The following CTNNA2 variants were observed in gnomAD, a reference collection of about 807,000 sequenced individuals.
CTNNA2 encodes catenin alpha-2.
In CTNNA2, 42 loss-of-function variants were observed where a neutral mutation model predicts 101.0. The observed-to-expected ratio is 0.42, with a 90% confidence interval of 0.32 to 0.54. CTNNA2 has a LOEUF of 0.54. Among genes scored for constraint, CTNNA2 ranks in the 20% least tolerant of loss-of-function variants. The pLI is 0.14. For missense variants in CTNNA2, 871 were observed against 1,223.1 expected (o/e 0.71, Z 4.29); for synonymous variants, 450 against 456.4 (o/e 0.99, Z 0.18).
intron 4 of CTNNA2, among the ~76,000 whole-genome samples, chr2:79,861,750 A>C (rs908741737): frequency 1.4e-4 from 21 of 152,130 alleles, no homozygotes; most frequent in African/African-American, 4.8e-4. Flanking sequence ...ATTCAGGAGG[A>C]TAGAGATAGA....
intron 15 of CTNNA2, among the ~76,000 whole-genome samples, chr2:80,603,363 G>A (rs1697721240): frequency 6.6e-6 from 1 of 152,084 alleles, no homozygotes; most frequent in East Asian, 1.9e-4. Flanking sequence ...AAATATTAGG[G>A]TGATGGTTTG....
intron 2 of CTNNA2, among the ~76,000 whole-genome samples, chr2:79,244,360 T>C (rs1674672116): frequency 6.6e-6 from 1 of 152,248 alleles, no homozygotes; most frequent in Admixed American, 6.5e-5. Flanking sequence ...GATCCAACAC[T>C]GTGCTCTTCC....
intron 7 of CTNNA2, among the ~76,000 whole-genome samples, chr2:79,930,320 G>GAA (rs1553406929): frequency 6.3e-5 from 9 of 143,036 alleles, no homozygotes; most frequent in African/African-American, 2.4e-4. Flanking sequence ...AAGAAAGAAA[G>GAA]AAAGAAAGAA....
At chr2:80,433,940 C>A (rs1028092686) in intron 9 of CTNNA2, among the ~76,000 whole-genome samples, 11 of 152,202 alleles carry the variant, frequency 7.2e-5, no homozygotes, top group African/African-American at 2.7e-4. Context: ...GTAACAATTA[C>A]TTTTCTCAAG....
At chr2:79,680,504 T>C (rs989115875) in intron 2 of CTNNA2, among the ~76,000 whole-genome samples, 15 of 152,140 alleles carry the variant, frequency 9.9e-5, no homozygotes, top group African/African-American at 3.6e-4. Context: ...AGTGTATATG[T>C]AAAATGAAGG....
At chr2:80,109,534 C>T (rs1185007534) in intron 7 of CTNNA2, among the ~76,000 whole-genome samples, 3 of 152,136 alleles carry the variant, frequency 2.0e-5, no homozygotes, top group Non-Finnish European at 4.4e-5. Context: ...CATACAGAGC[C>T]TCTGGTCTCC....
chr2:80,016,913 G>A (rs1694189662), intron 7 of CTNNA2, among the ~76,000 whole-genome samples: 1 of 152,146 alleles, frequency 6.6e-6, no homozygotes, highest in African/African-American at 2.4e-5. Flanking sequence ...CCTTTCTAGT[G>A]CATAAATTAA....
intron 7 of CTNNA2, among the ~76,000 whole-genome samples, chr2:79,921,327 A>C (rs2916523): frequency 0.85 from 128,707 of 151,734 alleles, 54,736 homozygotes; most frequent in East Asian, 0.93. Flanking sequence ...GGGATAAATA[A>C]CTTTGTAAGA....
Position 80,043,872 on chromosome 2 carries a change from G to A in CTNNA2, c.1056+134075G>A, listed in dbSNP as rs78713922. 5.2e-3 allele frequency among the ~76,000 whole-genome samples: 791 copies of A among 152,262 alleles called. 12 individuals carry two copies. The highest frequency in any genetic ancestry group is 0.018 in the African/African-American group (740 of 41,540). On this transcript the variant is annotated intron_variant, in intron 7 of 18. Coordinates refer to ENST00000402739, the MANE Select transcript of CTNNA2 (RefSeq NM_001282597.3). Reference sequence around the variant, plus strand: ...TCAAAGCACTTTTATTAAGTGCTGGGAAGAATTTTATATACTAATTAGAAT... The same window carrying A: ...TCAAAGCACTTTTATTAAGTGCTGGAAAGAATTTTATATACTAATTAGAAT...
In CTNNA2 at chr2:80,269,798, C is replaced by G. The variant is rs1673316109; in HGVS notation, c.1057-123413C>G. ...AGTCTTCCCACTCATTTTCTTAGTA[C>G]TAATATATTACAATTAAAACATTTT... On this transcript the variant is annotated intron_variant, in intron 7 of 18. Transcript: ENST00000402739. 2.0e-5 allele frequency among the ~76,000 whole-genome samples: 3 copies of G among 152,030 alleles called. No homozygotes were observed. The South Asian group carries it at 6.2e-4, about 32-fold the overall frequency.
chr2:80,169,109 C>G (rs1704883082), intron 7 of CTNNA2, among the ~76,000 whole-genome samples: 1 of 152,222 alleles, frequency 6.6e-6, no homozygotes, highest in African/African-American at 2.4e-5. Flanking sequence ...GGCCTTAAAA[C>G]TGACTATCCA....
At chr2:80,572,306 G>A (rs937519174) in intron 12 of CTNNA2, among the ~76,000 whole-genome samples, 2 of 152,278 alleles carry the variant, frequency 1.3e-5, no homozygotes, top group Non-Finnish European at 2.9e-5. Context: ...TGAACTGAGT[G>A]TACTAATTCT....
Position 80,263,685 on chromosome 2 carries a change from T to C in CTNNA2, c.1057-129526T>C, listed in dbSNP as rs114415612. On this transcript the variant is annotated intron_variant, in intron 7 of 18. Transcript: ENST00000402739. ...TCCTTAGCCACTCTCGCCACATAAGTGTTGTGTTTGACAGTCACATGTTCC... is the reference window on the plus strand; with the variant it reads ...TCCTTAGCCACTCTCGCCACATAAGCGTTGTGTTTGACAGTCACATGTTCC... 3.2e-3 allele frequency among the ~76,000 whole-genome samples: 493 copies of C among 152,318 alleles called. 4 individuals are homozygous for C. The highest frequency in any genetic ancestry group is 0.011 in the African/African-American group (469 of 41,572).
rs76938670 is a variant in CTNNA2, at chr2:79,655,404, G to T, written c.102+3746G>T. ...CCAATACTGTGTAATTTATGAGAAG[G>T]ATGTAAGTGAATTAGGCATGGGCTA... On this transcript the variant is annotated intron_variant, in intron 2 of 18. Transcript: ENST00000402739. 3.4e-3 allele frequency among the ~76,000 whole-genome samples: 518 copies of T among 152,288 alleles called. 12 individuals carry two copies. In the South Asian group the frequency reaches 0.046, roughly 13 times the overall value.
intron 1 of CTNNA2, among the ~76,000 whole-genome samples, chr2:79,643,917 GT>G (rs1168765406): frequency 6.6e-6 from 1 of 152,072 alleles, no homozygotes; most frequent in Non-Finnish European, 1.5e-5. Flanking sequence ...ACTAGGTTAA[GT>G]TTTTCTCAAT....
chr2:80,196,175 C>G (rs1008800664), intron 7 of CTNNA2, among the ~76,000 whole-genome samples: 1 of 151,662 alleles, frequency 6.6e-6, no homozygotes, highest in Non-Finnish European at 1.5e-5. Context: ...AAACATATAC[C>G]CAAATTAAGT....
In CTNNA2 at chr2:79,955,111, T is replaced by C. The variant is rs139720592; in HGVS notation, c.1056+45314T>C. ...CCAGTTTAAAGCACATATTTTCATA[T>C]TTGACATGTTTTATTATGGCAGAAT... On this transcript the variant is annotated intron_variant, in intron 7 of 18. Coordinates refer to ENST00000402739, the MANE Select transcript of CTNNA2 (RefSeq NM_001282597.3). Among the ~76,000 whole-genome samples, 241 of 152,364 alleles carry C rather than the reference T, an allele frequency of 1.6e-3. 1 individual carries two copies. The highest frequency in any genetic ancestry group is 5.5e-3 in the African/African-American group (228 of 41,592).
intron 7 of CTNNA2, among the ~76,000 whole-genome samples, chr2:80,306,398 T>TC (rs1491286021): frequency 6.8e-5 from 8 of 118,278 alleles, no homozygotes; most frequent in South Asian, 2.7e-4. Context: ...TCTTTTCTTT[T>TC]CTTTTCTTTC....
Position 80,123,069 on chromosome 2 carries a change from A to G in CTNNA2, c.1056+213272A>G, listed in dbSNP as rs150941158. Among the ~76,000 whole-genome samples, 862 of 152,226 alleles carry G rather than the reference A, an allele frequency of 5.7e-3. 12 individuals are homozygous for G. Among genetic ancestry groups the G allele is most frequent in the African/African-American group, 0.02 (827 of 41,556 alleles). On this transcript the variant is annotated intron_variant, in intron 7 of 18. Coordinates refer to ENST00000402739, the MANE Select transcript of CTNNA2 (RefSeq NM_001282597.3). ...CCTCCTTTCCTCTGGGGATAAGTTC[A>G]TCCAGTCTCCGGTCATCTTTCACTT...
Sources: allele counts gnomAD v4.1 joint callset (sites outside exome capture counted in the v4.1 genomes callset), GRCh38; gene constraint gnomAD v4.1.1; transcripts MANE v1.5; gene names NCBI Gene and HGNC (gene_info 2026-07-23, HGNC 2026-07-21).